Variants in POU2AF3 observed in about 807,000 individuals in gnomAD.
POU2AF3 encodes the protein cancer susceptibility candidate 13.
chr11:111,299,846 A>C, the POU2AF3 span: 1 of 712,856 alleles, frequency 1.4e-6, no homozygotes, highest in Non-Finnish European at 1.9e-6. Flanking sequence ...GCAAAGACAG[A>C]AGGGAGCGAG....
the POU2AF3 span, chr11:111,304,731 T>G: frequency 2.6e-6 from 1 of 387,976 alleles, no homozygotes. Flanking sequence ...ACTTTCCCTT[T>G]CACTTGTTTT....
chr11:111,303,940 A>T, the POU2AF3 span, among the ~76,000 whole-genome samples: 1 of 152,198 alleles, frequency 6.6e-6, no homozygotes. Context: ...TATTAATTCA[A>T]CTGAAAAATG....
the POU2AF3 span, among the ~76,000 whole-genome samples, chr11:111,301,429 C>T: frequency 6.6e-6 from 1 of 152,214 alleles, no homozygotes; most frequent in African/African-American, 2.4e-5. Flanking sequence ...ACAGCTGGGG[C>T]TCATATTGCC....
chr11:111,299,195 C>T, the POU2AF3 span: 3 of 969,092 alleles, frequency 3.1e-6, no homozygotes, highest in African/African-American at 1.8e-5. Flanking sequence ...TGAGGGGGAT[C>T]CCTGCTGTCC....
At chr11:111,308,167 T>C in the POU2AF3 span, 1 of 1,551,772 alleles carries the variant, frequency 6.4e-7, no homozygotes, top group East Asian at 2.4e-5. Context: ...AGAATTACAA[T>C]TCCCCTGCTT....
the POU2AF3 span, chr11:111,306,682 T>A: frequency 7.8e-7 from 1 of 1,278,968 alleles, no homozygotes; most frequent in Non-Finnish European, 1.1e-6. Flanking sequence ...TAATAGTGCT[T>A]TGTGAGTTTG....
At chr11:111,307,969 C>T in the POU2AF3 span, 14 of 1,150,606 alleles carry the variant, frequency 1.2e-5, no homozygotes, top group South Asian at 8.6e-5. Flanking sequence ...GGTTTTTTAC[C>T]CCTCATTTTC....
the POU2AF3 span, chr11:111,298,825 G>GGGGGGGGGGGGC: frequency 3.5e-6 from 3 of 852,674 alleles, no homozygotes; most frequent in Non-Finnish European, 4.6e-6. Flanking sequence ...GCGTACCCCA[G>GGGGGGGGGGGGC]GCCCCCGCCC....
At chr11:111,300,620 C>T in the POU2AF3 span, 1 of 1,229,454 alleles carries the variant, frequency 8.1e-7, no homozygotes, top group Admixed American at 4.2e-5. Context: ...TCCGGGGGAA[C>T]CGTAAGCATA....
chr11:111,306,969 A>T, the POU2AF3 span, among the ~76,000 whole-genome samples: 5 of 152,236 alleles, frequency 3.3e-5, no homozygotes. Flanking sequence ...AGTGGTTTAA[A>T]CAATGGCTCT....
At chr11:111,306,233 A>G in the POU2AF3 span, among the ~76,000 whole-genome samples, 1 of 152,234 alleles carries the variant, frequency 6.6e-6, no homozygotes, top group Non-Finnish European at 1.5e-5. Context: ...TGAATTAGCT[A>G]GGACAACTAA....
chr11:111,299,580 G>T, the POU2AF3 span: 1 of 1,215,656 alleles, frequency 8.2e-7, no homozygotes, highest in African/African-American at 1.6e-5. Flanking sequence ...CGCCAGCCCC[G>T]GGGCGGCCCC....
At chr11:111,299,112 G>C in the POU2AF3 span, 1 of 963,984 alleles carries the variant, frequency 1.0e-6, no homozygotes, top group African/African-American at 1.8e-5. Flanking sequence ...GCGGGGCACG[G>C]GATTCCCTGG....
the POU2AF3 span, among the ~76,000 whole-genome samples, chr11:111,301,695 C>T: frequency 3.0e-4 from 45 of 152,118 alleles, no homozygotes; most frequent in Non-Finnish European, 5.7e-4. Context: ...TCTGTTTATT[C>T]GTCTTCAAAT....
the POU2AF3 span, chr11:111,298,776 G>A: frequency 1.7e-6 from 2 of 1,160,114 alleles, no homozygotes; most frequent in Non-Finnish European, 1.1e-6. Flanking sequence ...GTCCCGGAGG[G>A]CAGAGGCCCA....
chr11:111,299,923 C>T, the POU2AF3 span: 1 of 421,988 alleles, frequency 2.4e-6, no homozygotes, highest in East Asian at 3.6e-5. Context: ...CGGCCCAGGA[C>T]GGGGCTGGCC....
chr11:111,298,827 C>CGGGGGGGCGG, the POU2AF3 span: 3 of 631,560 alleles, frequency 4.8e-6, no homozygotes, highest in Non-Finnish European at 6.7e-6. Context: ...GTACCCCAGG[C>CGGGGGGGCGG]CCCCGCCCGC....
At chr11:111,302,745 G>T in the POU2AF3 span, among the ~76,000 whole-genome samples, 2 of 152,130 alleles carry the variant, frequency 1.3e-5, no homozygotes, top group Admixed American at 6.5e-5. Context: ...CTATGCCCTC[G>T]CAAGCAAGCA....
At chr11:111,299,544 C>G in the POU2AF3 span, 9 of 1,194,986 alleles carry the variant, frequency 7.5e-6, no homozygotes, top group Non-Finnish European at 8.3e-6. Flanking sequence ...CCACCTCCCG[C>G]GAGCCGGGGC....
Sources: gnomAD v4.1 joint callset for allele counts (sites outside exome capture counted in the v4.1 genomes callset) on GRCh38, gnomAD v4.1.1 for gene constraint, MANE v1.5 for transcripts, NCBI Gene and HGNC (gene_info 2026-07-23, HGNC 2026-07-21) for gene names.